RALGAPA1: variants seen among roughly 807,000 people sequenced by gnomAD.
RALGAPA1 encodes Ral GTPase activating protein catalytic subunit alpha 1, also known as ral GTPase-activating protein subunit alpha-1.
A neutral mutation model predicts 269.6 loss-of-function variants in RALGAPA1; 52 were observed. That is an observed-to-expected ratio of 0.19 (90% CI 0.15 to 0.24). RALGAPA1 has a LOEUF of 0.24. Ranked by LOEUF, RALGAPA1 falls within the 10% of genes least tolerant of loss-of-function variation. The probability of loss-of-function intolerance (pLI) is 1.00; values close to 1 mark genes in which losing one functional copy is unlikely to be tolerated. For synonymous variants in RALGAPA1, 817 were observed against 1,008.3 expected (o/e 0.81, Z 3.60); for missense variants, 1,917 against 3,013.9 (o/e 0.64, Z 8.52).
In RALGAPA1 at chr14:35,809,013, A is replaced by G; in HGVS notation, c.-178T>C. On this transcript the variant is annotated 5_prime_UTR_variant, in exon 1 of 42. Coordinates refer to ENST00000680220, the MANE Select transcript of RALGAPA1 (RefSeq NM_001346249.2). ...GATCCAGGCCAGGGCCGCCACCTCC[A>G]CCCGCCTCGCGCCGCGGCTCCAAGG... is the stretch of plus-strand genomic sequence containing the variant. 1.6e-6 allele frequency: 2 copies of G among 1,256,014 alleles called. No individual in the cohort carries two copies. Among genetic ancestry groups the G allele is most frequent in the Non-Finnish European group, 1.1e-6 (1 of 943,926 alleles). The allele number at this position is 1,256,014 out of a possible 1,614,324, so 77.8% of individuals were successfully genotyped here. A position where few individuals can be genotyped will look rare whatever the true frequency, so the allele number is the denominator to read the frequency against.
chr14:35,551,108 C>CA (rs2054960645), intron 39 of RALGAPA1, among the ~76,000 whole-genome samples: 1 of 152,028 alleles, frequency 6.6e-6, no homozygotes, highest in African/African-American at 2.4e-5. Flanking sequence ...GCCCCTTGTA[C>CA]AAAAAATACT....
chr14:35,762,024 T>C lies in RALGAPA1; in HGVS notation c.369+686A>G, dbSNP rs146018963. 6.8e-4 allele frequency among the ~76,000 whole-genome samples: 103 copies of C among 152,222 alleles called. No individual in the cohort carries two copies. The East Asian group carries it at 0.012, about 18-fold the overall frequency. ...TGGCATAATGAAAAAGAAACAAAAA[T>C]GTTTATATATATATGTGTATCTCCC... is the stretch of plus-strand genomic sequence containing the variant. On this transcript the variant is annotated intron_variant, in intron 5 of 41. Coordinates refer to ENST00000680220, the MANE Select transcript of RALGAPA1 (RefSeq NM_001346249.2).
In RALGAPA1 at chr14:35,659,215, A is replaced by C. The variant is rs1179152622; in HGVS notation, c.5329-19T>G. On this transcript the variant is annotated intron_variant, in intron 27 of 41. Coordinates refer to ENST00000680220, the MANE Select transcript of RALGAPA1 (RefSeq NM_001346249.2). ...TAAGTTCCTAAAATAAGGGGGAAAT[A>C]GTTAACGGCAATGACTGAGATTTCA... 9 of 1,580,956 alleles carry C rather than the reference A, an allele frequency of 5.7e-6. No homozygotes were observed. Among genetic ancestry groups the C allele is most frequent in the Admixed American group, 1.7e-5 (1 of 57,472 alleles).
intron 32 of RALGAPA1, 148 bp from the exon 33 acceptor site, chr14:35,634,905 G>T: frequency 1.3e-6 from 1 of 750,048 alleles, no homozygotes; most frequent in Non-Finnish European, 2.0e-6. Context: ...AGTGGCTCAT[G>T]CCTGTAATCC....
chr14:35,584,246 C>T (rs1039321346), intron 37 of RALGAPA1, among the ~76,000 whole-genome samples: 3 of 152,004 alleles, frequency 2.0e-5, no homozygotes, highest in Non-Finnish European at 4.4e-5. Flanking sequence ...TTATTGCAAG[C>T]AGTAATATAT....
intron 41 of RALGAPA1, chr14:35,541,647 C>A (rs767787654): frequency 9.1e-6 from 4 of 440,218 alleles, no homozygotes; most frequent in Non-Finnish European, 1.8e-5. Flanking sequence ...AGATGGATGG[C>A]AGAAGGAAAG....
At chr14:35,770,042 A>C (rs2074497773) in intron 4 of RALGAPA1, among the ~76,000 whole-genome samples, 1 of 152,166 alleles carries the variant, frequency 6.6e-6, no homozygotes, top group Non-Finnish European at 1.5e-5. Context: ...GTAAGCAACA[A>C]ATAAAAAGGA....
intron 20 of RALGAPA1, 93 bp from the exon 21 acceptor site, chr14:35,684,078 T>G: frequency 3.4e-6 from 3 of 883,162 alleles, no homozygotes; most frequent in African/African-American, 1.7e-5. Context: ...AACATAAACA[T>G]TCCCCGTACA....
chr14:35,589,304 A>T (rs1036792705), intron 37 of RALGAPA1, among the ~76,000 whole-genome samples: 1 of 152,190 alleles, frequency 6.6e-6, no homozygotes, highest in East Asian at 1.9e-4. Context: ...ACAAAATTTA[A>T]GTTAGGAGGA....
chr14:35,795,335 C>T (rs921937645), intron 1 of RALGAPA1, among the ~76,000 whole-genome samples: 1 of 152,048 alleles, frequency 6.6e-6, no homozygotes, highest in African/African-American at 2.4e-5. Flanking sequence ...GAGACAGCTA[C>T]ACACAGTGAG....
At chr14:35,695,190 A>T (rs1742605848) in intron 17 of RALGAPA1, among the ~76,000 whole-genome samples, 1 of 152,026 alleles carries the variant, frequency 6.6e-6, no homozygotes, top group African/African-American at 2.4e-5. Context: ...CTAGGATGGC[A>T]CCACAGCAAT....
At chr14:35,667,378 CAG>C (rs904113607) in intron 26 of RALGAPA1, among the ~76,000 whole-genome samples, 6 of 152,136 alleles carry the variant, frequency 3.9e-5, no homozygotes, top group Non-Finnish European at 8.8e-5. Flanking sequence ...AGTCTAGCGA[CAG>C]AGCGAGACTC....
At position 35,617,131 on chromosome 14, in the gene RALGAPA1, G is replaced by T. The variant is rs140209472; in HGVS notation, c.6929+8230C>A. Among the ~76,000 whole-genome samples, 160 of 152,322 alleles carry T rather than the reference G, an allele frequency of 1.1e-3. 2 individuals are homozygous for T. The East Asian group carries it at 0.025, about 24-fold the overall frequency. Reference sequence around the variant, plus strand: ...CTGGGAAGGAAGGTGAAGCATAGGAGTAGATTAAGGTAAAGCTTTCCATAT... The same window carrying T: ...CTGGGAAGGAAGGTGAAGCATAGGATTAGATTAAGGTAAAGCTTTCCATAT... On this transcript the variant is annotated intron_variant, in intron 35 of 41. Coordinates refer to ENST00000680220, the MANE Select transcript of RALGAPA1 (RefSeq NM_001346249.2).
At chr14:35,603,347 A>C (rs1216493686) in intron 36 of RALGAPA1, among the ~76,000 whole-genome samples, 1 of 152,164 alleles carries the variant, frequency 6.6e-6, no homozygotes. Flanking sequence ...ATTTTCACAT[A>C]CATAAGCTCA....
At chr14:35,695,441 T>C (rs1187901771) in intron 17 of RALGAPA1, among the ~76,000 whole-genome samples, 1 of 152,192 alleles carries the variant, frequency 6.6e-6, no homozygotes, top group African/African-American at 2.4e-5. Flanking sequence ...TACTATTTTA[T>C]TTTTCATTGA....
At position 35,559,524 on chromosome 14, in the gene RALGAPA1, C is replaced by CAGAAT. The variant is rs2055964228; in HGVS notation, c.7497-10291_7497-10290insATTCT. 3.3e-5 allele frequency among the ~76,000 whole-genome samples: 5 copies of CAGAAT among 152,164 alleles called. No individual in the cohort carries two copies. The South Asian group carries it at 1.0e-3, about 32-fold the overall frequency. ...AAAAAAAAAAATCCCTATTCCAGCA[C>CAGAAT]AGGTGAGAAGTTGATAAAGATAGAA... On this transcript the variant is annotated intron_variant, in intron 39 of 41. Coordinates refer to ENST00000680220, the MANE Select transcript of RALGAPA1 (RefSeq NM_001346249.2).
At chr14:35,588,345 C>T (rs1418000501) in intron 37 of RALGAPA1, among the ~76,000 whole-genome samples, 2 of 152,118 alleles carry the variant, frequency 1.3e-5, no homozygotes, top group Non-Finnish European at 2.9e-5. Flanking sequence ...CTTGTGACTA[C>T]TTTGAGGGAA....
intron 28 of RALGAPA1, among the ~76,000 whole-genome samples, chr14:35,656,994 A>G (rs1281012911): frequency 6.6e-6 from 1 of 152,158 alleles, no homozygotes; most frequent in Non-Finnish European, 1.5e-5. Flanking sequence ...AGAGACTTAG[A>G]ACACAAATGC....
intron 31 of RALGAPA1, among the ~76,000 whole-genome samples, chr14:35,648,572 C>G (rs1415177803): frequency 6.6e-6 from 1 of 151,986 alleles, no homozygotes; most frequent in Non-Finnish European, 1.5e-5. Context: ...CACTTCAGCT[C>G]AAGCTCCTGA....
Sources: gnomAD v4.1 joint callset for allele counts (sites outside exome capture counted in the v4.1 genomes callset) on GRCh38, gnomAD v4.1.1 for gene constraint, MANE v1.5 for transcripts, NCBI Gene and HGNC (gene_info 2026-07-23, HGNC 2026-07-21) for gene names.